PIP5K1C: variants seen among roughly 807,000 people sequenced by gnomAD.
The protein encoded by PIP5K1C is phosphatidylinositol-4-phosphate 5-kinase type 1 gamma.
PIP5K1C carries 45 observed loss-of-function variants against 80.1 expected under a neutral mutation model. The ratio of observed to expected loss-of-function variants is 0.56; its 90% CI spans 0.44 to 0.72. The LOEUF is 0.72. Ranked by LOEUF, PIP5K1C falls within the 30% of genes least tolerant of loss-of-function variation. PIP5K1C has a pLI of 0.00. For missense variants in PIP5K1C, 753 were observed against 954.6 expected (o/e 0.79, Z 2.78); for synonymous variants, 498 against 420.1 (o/e 1.19, Z -2.27).
At chr19:3,685,558 G>A (rs372443935) in intron 1 of PIP5K1C, among the ~76,000 whole-genome samples, 31 of 152,054 alleles carry the variant, frequency 2.0e-4, no homozygotes, top group African/African-American at 5.5e-4. Flanking sequence ...GTGAAACCCC[G>A]TCTCTACTAA....
At chr19:3,655,672 A>T (rs993732304) in intron 6 of PIP5K1C, among the ~76,000 whole-genome samples, 3 of 152,170 alleles carry the variant, frequency 2.0e-5, no homozygotes, top group Non-Finnish European at 4.4e-5. Context: ...GCTGAGCCTG[A>T]TCTAAGGAGC....
Position 3,696,465 on chromosome 19 carries a change from C to T in PIP5K1C, c.94+3832G>A, listed in dbSNP as rs978774617. ...GGTGGCACAATCAGGGAAGAGGAACCGGGAGGGCAGGGGACGGAGAAGGGG... is the reference window on the plus strand; with the variant it reads ...GGTGGCACAATCAGGGAAGAGGAACTGGGAGGGCAGGGGACGGAGAAGGGG... On this transcript the variant is annotated intron_variant, in intron 1 of 17. Transcript: ENST00000335312. This position sits in a 1 kb window ranked among gnomAD's most constrained non-coding sequence, Gnocchi z 4.1. Among the ~76,000 whole-genome samples, 4 of 152,078 alleles carry T rather than the reference C, an allele frequency of 2.6e-5. No homozygotes were observed. The highest frequency in any genetic ancestry group is 1.9e-4 in the East Asian group (1 of 5,168).
At position 3,637,822 on chromosome 19, in the gene PIP5K1C, C is replaced by A; in HGVS notation, c.1920+1062G>T. The A allele has an allele frequency of 6.5e-7, 1 of 1,535,240 alleles. No homozygotes were observed. Among genetic ancestry groups the A allele is most frequent in the Middle Eastern group, 1.7e-4 (1 of 5,868 alleles). On this transcript the variant is annotated intron_variant, in intron 16 of 17. Coordinates refer to ENST00000335312, the MANE Select transcript of PIP5K1C (RefSeq NM_012398.3). This position sits in a 1 kb window ranked among gnomAD's most constrained non-coding sequence, Gnocchi z 7.0. ...CTTCTCTGCTGCCCACCTGGCAGGG[C>A]ATCAGGACACAGACACACAGCACGA...
At chr19:3,671,170 C>T (rs556627607) in intron 1 of PIP5K1C, among the ~76,000 whole-genome samples, 1 of 152,360 alleles carries the variant, frequency 6.6e-6, no homozygotes, top group East Asian at 1.9e-4. Context: ...TCCCTGCCCA[C>T]AGTCCTGACT....
rs951091450 is a variant in PIP5K1C, at chr19:3,631,272, G to C, written c.*1895C>G. 6.6e-6 allele frequency: 1 copy of C among 152,268 alleles called. No homozygotes were observed. Among genetic ancestry groups the C allele is most frequent in the Non-Finnish European group, 1.5e-5 (1 of 68,082 alleles). 9.4% of individuals were successfully genotyped at this position (152,268 alleles called of 1,614,324 possible). A position where few individuals can be genotyped will look rare whatever the true frequency, so the allele number is the denominator to read the frequency against. ...GGGCAGGGCGACTCGAGGACTCCCT[G>C]GGAGGACTGGTGTGGCCTCTGGGGG... On this transcript the variant is annotated 3_prime_UTR_variant, in exon 18 of 18. Transcript: ENST00000335312.
chr19:3,651,054 C>T lies in PIP5K1C; in HGVS notation c.1127+772G>A, dbSNP rs934327407. On this transcript the variant is annotated intron_variant, in intron 8 of 17. Transcript: ENST00000335312. ...TACAGGTGTGAGCCACCGCGCCCAGCGTTTTTTTTTTTTTTTTTAAGACAG... is the reference window on the plus strand; with the variant it reads ...TACAGGTGTGAGCCACCGCGCCCAGTGTTTTTTTTTTTTTTTTTAAGACAG... Among the ~76,000 whole-genome samples, 41 of 82,920 alleles carry T rather than the reference C, an allele frequency of 4.9e-4. No homozygotes were observed. In the South Asian group the frequency reaches 9.5e-3, roughly 19 times the overall value. 54.4% of individuals were successfully genotyped at this position (82,920 alleles called of 152,430 possible).
Position 3,643,389 on chromosome 19 carries a change from G to A in PIP5K1C, c.1511-8C>T, listed in dbSNP as rs376029185. ...GCAGGAGGTCGGGCCGGCCTGAGGG[G>A]AGAGGACTGTGGGCACCTTGCGGAG... On this transcript the variant is annotated splice_polypyrimidine_tract_variant and splice_region_variant and intron_variant, in intron 12 of 17. Coordinates refer to ENST00000335312, the MANE Select transcript of PIP5K1C (RefSeq NM_012398.3). 7 of 1,613,070 alleles carry A rather than the reference G, an allele frequency of 4.3e-6. No individual in the cohort carries two copies. In the Admixed American group the frequency reaches 1.0e-4, roughly 23 times the overall value.
At chr19:3,677,286 G>C (rs2073173485) in intron 1 of PIP5K1C, among the ~76,000 whole-genome samples, 1 of 151,834 alleles carries the variant, frequency 6.6e-6, no homozygotes, top group Admixed American at 6.6e-5. Context: ...AAAAGAAAAA[G>C]AGAAAGTTTT....
intron 15 of PIP5K1C, 60 bp from the exon 16 acceptor site, chr19:3,639,076 G>GC: frequency 6.3e-7 from 1 of 1,585,716 alleles, no homozygotes; most frequent in Admixed American, 1.7e-5. Context: ...GACTCCCCGC[G>GC]CCCCCACTCA....
In PIP5K1C at chr19:3,643,388, G is replaced by A. The variant is rs1285653322; in HGVS notation, c.1511-7C>T. 7 of 1,613,056 alleles carry A rather than the reference G, an allele frequency of 4.3e-6. No individual in the cohort carries two copies. Among genetic ancestry groups the A allele is most frequent in the South Asian group, 2.2e-5 (2 of 91,084 alleles). On this transcript the variant is annotated splice_polypyrimidine_tract_variant and splice_region_variant and intron_variant, in intron 12 of 17. Coordinates refer to ENST00000335312, the MANE Select transcript of PIP5K1C (RefSeq NM_012398.3). ...GGCAGGAGGTCGGGCCGGCCTGAGG[G>A]GAGAGGACTGTGGGCACCTTGCGGA...
chr19:3,667,142 C>T (rs750894302), intron 2 of PIP5K1C, among the ~76,000 whole-genome samples, 180 bp downstream of exon 2: 16 of 152,208 alleles, frequency 1.1e-4, no homozygotes, highest in African/African-American at 1.7e-4. Context: ...GAATTTCACC[C>T]CGACCTCTCA....
chr19:3,676,345 C>T (rs2035359511), intron 1 of PIP5K1C, among the ~76,000 whole-genome samples: 1 of 152,250 alleles, frequency 6.6e-6, no homozygotes, highest in Non-Finnish European at 1.5e-5. Flanking sequence ...CGGTCCCCGG[C>T]ACCCACCACT....
intron 6 of PIP5K1C, 104 bp downstream of exon 6, chr19:3,656,301 C>T (rs925387344): frequency 2.2e-6 from 3 of 1,351,534 alleles, no homozygotes; most frequent in African/African-American, 2.9e-5. Flanking sequence ...CTCACCACGC[C>T]CCAAGGATGC....
intron 1 of PIP5K1C, among the ~76,000 whole-genome samples, chr19:3,691,925 C>T (rs960296194): frequency 3.3e-5 from 5 of 152,284 alleles, no homozygotes; most frequent in African/African-American, 1.2e-4. Context: ...CTGGCTCATA[C>T]GCGCCCACAG....
intron 10 of PIP5K1C, among the ~76,000 whole-genome samples, 158 bp from the exon 11 acceptor site, chr19:3,646,216 C>T (rs567147708): frequency 9.2e-5 from 14 of 152,086 alleles, no homozygotes; most frequent in Non-Finnish European, 1.6e-4. Flanking sequence ...GAGGGGCTCA[C>T]GGAACAGGGA....
intron 1 of PIP5K1C, among the ~76,000 whole-genome samples, chr19:3,678,290 AT>A (rs2035457248): frequency 9.7e-6 from 1 of 102,938 alleles, no homozygotes; most frequent in Non-Finnish European, 2.0e-5. Context: ...GGGTGGAGGG[AT>A]GGAGGGATGG....
rs2034064192 is a variant in PIP5K1C at position 3,643,365 on chromosome 19, CAGG to C, written c.1524_1526del (p.Leu509del). 6.2e-7 allele frequency: 1 copy of C among 1,613,662 alleles called. No homozygotes were observed. The highest frequency in any genetic ancestry group is 2.2e-5 in the East Asian group (1 of 44,874). Reference sequence around the variant, plus strand: ...CTTCGAAAGAAGGTGGCGTGCAGGGCAGGAGGTCGGGCCGGCCTGAGGGGAGAG... The same window carrying C: ...CTTCGAAAGAAGGTGGCGTGCAGGGCAGGTCGGGCCGGCCTGAGGGGAGAG... On this transcript the variant is annotated inframe_deletion, in exon 13 of 18. Transcript: ENST00000335312.
chr19:3,653,089 C>G (rs985581210), intron 7 of PIP5K1C, among the ~76,000 whole-genome samples: 4 of 152,250 alleles, frequency 2.6e-5, no homozygotes, highest in Non-Finnish European at 4.4e-5. Context: ...AGGCGTGAGC[C>G]ACTGTGTCCG....
chr19:3,643,503 C>T (rs2034071307), intron 12 of PIP5K1C, 122 bp from the exon 13 acceptor site: 2 of 1,134,720 alleles, frequency 1.8e-6, no homozygotes, highest in Non-Finnish European at 2.5e-6. Context: ...GCCTCCCAGA[C>T]ACTCCCACCT....
Sources: gnomAD v4.1 joint callset for allele counts (sites outside exome capture counted in the v4.1 genomes callset) on GRCh38, gnomAD v4.1.1 for gene constraint, Gnocchi (gnomAD v3.1) non-coding constraint, MANE v1.5 for transcripts, NCBI Gene and HGNC (gene_info 2026-07-23, HGNC 2026-07-21) for gene names.